Variants in BPHL observed in about 807,000 individuals in gnomAD.
BPHL encodes the protein serine hydrolase BPHL.
BPHL carries 27 observed loss-of-function variants against 31.2 expected under a neutral mutation model. The ratio of observed to expected loss-of-function variants is 0.87; its 90% CI spans 0.64 to 1.19. BPHL has a LOEUF of 1.19. Ranked by LOEUF, BPHL falls within the 50% of genes most tolerant of loss-of-function variation. The pLI is 0.00. For synonymous variants in BPHL, 150 were observed against 146.8 expected (o/e 1.02, Z -0.16); for missense variants, 356 against 375.7 (o/e 0.95, Z 0.43).
At chr6:3,124,455 A>G (rs2113747038) in intron 2 of BPHL, among the ~76,000 whole-genome samples, 1 of 152,292 alleles carries the variant, frequency 6.6e-6, no homozygotes, top group Non-Finnish European at 1.5e-5. Flanking sequence ...ATTTAATCTC[A>G]GTATTCCTGG....
In BPHL at chr6:3,140,560, G is replaced by A; in HGVS notation, c.788+51G>A. 6.2e-7 allele frequency: 1 copy of A among 1,605,692 alleles called. No individual in the cohort carries two copies. Among genetic ancestry groups the A allele is most frequent in the Non-Finnish European group, 8.5e-7 (1 of 1,177,630 alleles). ...TCCCCCCGAGAGCCTCGGAGTCAAT[G>A]GGCAAAGCTACTGGAAGGAAAATAA... On this transcript the variant is annotated intron_variant, in intron 6 of 6. Transcript: ENST00000380379. The surrounding 1 kb of genome is among the most constrained non-coding windows in gnomAD (Gnocchi z 5.2).
At chr6:3,127,964 G>A (rs1025440900) in intron 3 of BPHL, among the ~76,000 whole-genome samples, 1 of 152,110 alleles carries the variant, frequency 6.6e-6, no homozygotes, top group Non-Finnish European at 1.5e-5. Context: ...GGGATTACAG[G>A]CACATGCCAC....
chr6:3,142,413 G>A (rs905473454), intron 6 of BPHL, among the ~76,000 whole-genome samples: 2 of 152,094 alleles, frequency 1.3e-5, no homozygotes, highest in Admixed American at 6.5e-5. Flanking sequence ...CACCATGCCC[G>A]GCCTGCAAAA....
At position 3,140,368 on chromosome 6, in the gene BPHL, G is replaced by A. The variant is rs751350734; in HGVS notation, c.665-18G>A. ...ATGGTTGCACTAAAGCAGATTCCTCGTGCTGTGTATCCGTCAGGTAACATC... is the reference window on the plus strand; with the variant it reads ...ATGGTTGCACTAAAGCAGATTCCTCATGCTGTGTATCCGTCAGGTAACATC... On this transcript the variant is annotated intron_variant, in intron 5 of 6. Transcript: ENST00000380379. This position sits in a 1 kb window ranked among gnomAD's most constrained non-coding sequence, Gnocchi z 5.2. 78 of 1,613,774 alleles carry A rather than the reference G, an allele frequency of 4.8e-5. No individual in the cohort carries two copies. The highest frequency in any genetic ancestry group is 9.9e-5 in the South Asian group (9 of 91,044).
chr6:3,134,055 A>G (rs1050988398), intron 4 of BPHL, among the ~76,000 whole-genome samples: 4 of 152,194 alleles, frequency 2.6e-5, no homozygotes, highest in Admixed American at 6.5e-5. Context: ...CTTAATTTGC[A>G]TTTCGTATTA....
intron 6 of BPHL, among the ~76,000 whole-genome samples, chr6:3,143,905 G>A (rs547583268): frequency 2.0e-5 from 3 of 152,152 alleles, no homozygotes; most frequent in Admixed American, 6.5e-5. Context: ...TCTCGCCTGC[G>A]GCCCTTCTCC....
At chr6:3,126,431 T>C (rs1167230196) in intron 2 of BPHL, among the ~76,000 whole-genome samples, 1 of 152,180 alleles carries the variant, frequency 6.6e-6, no homozygotes, top group African/African-American at 2.4e-5. Context: ...ATTAATTCTT[T>C]CCTTTAGAAA....
chr6:3,137,254 A>C (rs2113762991), intron 4 of BPHL, 108 bp from the exon 5 acceptor site: 2 of 1,394,392 alleles, frequency 1.4e-6, no homozygotes, highest in South Asian at 2.7e-5. Context: ...TTCCAGGCAG[A>C]CGAGACAGTG....
chr6:3,143,794 A>G (rs9405611), intron 6 of BPHL, among the ~76,000 whole-genome samples: 104,529 of 152,210 alleles, frequency 0.69, 36,349 homozygotes, highest in African/African-American at 0.76. Context: ...GAGGGGTGCA[A>G]TTCAGCCCAT....
chr6:3,136,800 C>T (rs1056667674), intron 4 of BPHL, among the ~76,000 whole-genome samples: 3 of 152,194 alleles, frequency 2.0e-5, no homozygotes, highest in Non-Finnish European at 4.4e-5. Context: ...GCTATTCTTC[C>T]CTACTAGTGA....
chr6:3,136,020 T>C (rs2113761624), intron 4 of BPHL, among the ~76,000 whole-genome samples: 1 of 152,310 alleles, frequency 6.6e-6, no homozygotes, highest in East Asian at 1.9e-4. Context: ...TTACTTCCTT[T>C]GCTGTATTTT....
At position 3,152,448 on chromosome 6, in the gene BPHL, G is replaced by T. The variant is rs200944660; in HGVS notation, c.789-40G>T. The T allele has an allele frequency of 8.9e-5, 139 of 1,563,138 alleles. No individual in the cohort carries two copies. In the African/African-American group the frequency reaches 1.7e-3, roughly 19 times the overall value. ...AGAGTGAGGGGTTTGTTCTTAAGTG[G>T]TGGGCCATTGACCCAAAGTATTTTT... On this transcript the variant is annotated intron_variant, in intron 6 of 6. Coordinates refer to ENST00000380379, the MANE Select transcript of BPHL (RefSeq NM_004332.4).
chr6:3,123,184 C>T (rs573249599), intron 1 of BPHL, among the ~76,000 whole-genome samples: 1 of 152,324 alleles, frequency 6.6e-6, no homozygotes, highest in Non-Finnish European at 1.5e-5. Flanking sequence ...AAAATTCAAA[C>T]TCATGTCACT....
intron 6 of BPHL, among the ~76,000 whole-genome samples, chr6:3,151,229 T>C (rs1228528473): frequency 1.3e-5 from 2 of 152,200 alleles, no homozygotes; most frequent in Non-Finnish European, 2.9e-5. Flanking sequence ...TTCTTTCCTG[T>C]TTCCTGAAAA....
intron 4 of BPHL, among the ~76,000 whole-genome samples, chr6:3,134,223 C>T (rs1761946883): frequency 6.6e-6 from 1 of 152,016 alleles, no homozygotes; most frequent in South Asian, 2.1e-4. Context: ...ACAAAACGAC[C>T]CCGCCGCTGT....
At chr6:3,127,764 T>C (rs1471681940) in intron 3 of BPHL, among the ~76,000 whole-genome samples, 1 of 152,050 alleles carries the variant, frequency 6.6e-6, no homozygotes. Context: ...TTATACTAGT[T>C]GTATGATAGG....
intron 1 of BPHL, among the ~76,000 whole-genome samples, chr6:3,121,528 C>CTCCTGACCTCGTGA (rs993792708): frequency 6.6e-6 from 1 of 151,926 alleles, no homozygotes; most frequent in Non-Finnish European, 1.5e-5. Flanking sequence ...TGGTCTTGAT[C>CTCCTGACCTCGTGA]TCCTGACCTC....
intron 4 of BPHL, among the ~76,000 whole-genome samples, chr6:3,134,891 C>T (rs1181377998): frequency 2.6e-5 from 4 of 152,046 alleles, no homozygotes; most frequent in Admixed American, 2.0e-4. Context: ...CATGAACCAC[C>T]GCGCCTGGCC....
intron 4 of BPHL, among the ~76,000 whole-genome samples, chr6:3,136,509 T>C (rs1762020814): frequency 3.3e-5 from 5 of 152,224 alleles, no homozygotes; most frequent in Admixed American, 2.6e-4. Context: ...TGATTGTAAA[T>C]AGCAGTTTTT....
Sources: allele counts gnomAD v4.1 joint callset (sites outside exome capture counted in the v4.1 genomes callset), GRCh38; gene constraint gnomAD v4.1.1; non-coding constraint Gnocchi (gnomAD v3.1); transcripts MANE v1.5; gene names NCBI Gene and HGNC (gene_info 2026-07-23, HGNC 2026-07-21).